TMEM131: variants seen among roughly 807,000 people sequenced by gnomAD.
TMEM131 encodes the protein 2610524E03Rik.
TMEM131 carries 66 observed loss-of-function variants against 211.6 expected under a neutral mutation model. The observed-to-expected ratio is 0.31, with a 90% CI of 0.26 to 0.38. The LOEUF (loss-of-function observed/expected upper bound fraction) is 0.38, where lower values mean the gene tolerates loss of function less well. Among genes scored for constraint, TMEM131 ranks in the 10% least tolerant of loss-of-function variants. TMEM131 has a pLI of 1.00. For missense variants in TMEM131, 2,036 were observed against 2,299.3 expected (o/e 0.89, Z 2.34); for synonymous variants, 844 against 841.3 (o/e 1.00, Z -0.06).
chr2:97,771,648 A>G (rs1210941319), intron 33 of TMEM131, among the ~76,000 whole-genome samples: 1 of 152,226 alleles, frequency 6.6e-6, no homozygotes, highest in Non-Finnish European at 1.5e-5. Context: ...TAAAATTATC[A>G]GGTAGATGCT....
chr2:97,974,980 T>C (rs746213061), intron 1 of TMEM131, among the ~76,000 whole-genome samples: 18 of 152,096 alleles, frequency 1.2e-4, no homozygotes, highest in African/African-American at 3.1e-4. Flanking sequence ...CTGACTGACA[T>C]TGACAGAGTA....
At chr2:97,855,706 A>T (rs946742280) in intron 5 of TMEM131, among the ~76,000 whole-genome samples, 3 of 152,110 alleles carry the variant, frequency 2.0e-5, no homozygotes, top group Non-Finnish European at 2.9e-5. Context: ...TCTCAAAAAA[A>T]AAAAAAAAGG....
intron 1 of TMEM131, among the ~76,000 whole-genome samples, chr2:97,960,862 A>C (rs188760234): frequency 1.3e-5 from 2 of 152,098 alleles, no homozygotes; most frequent in East Asian, 3.9e-4. Context: ...CAGAAAAGCA[A>C]GGATGGTTTA....
chr2:97,887,524 C>T (rs539337861), intron 4 of TMEM131, among the ~76,000 whole-genome samples: 102 of 151,992 alleles, frequency 6.7e-4, no homozygotes, highest in Non-Finnish European at 1.1e-3. Context: ...TGCTTAGAGG[C>T]CCGGGGGTCT....
Position 97,757,298 on chromosome 2 carries a change from G to A in TMEM131, c.5453C>T (p.Pro1818Leu), listed in dbSNP as rs913223020. Residue 1818 changes from proline (P) to leucine (L), a missense_variant, in exon 41 of 41, where the codon CCC becomes CTC. Transcript: ENST00000186436. ...IWSSNLSSAL[P>L]FTTPANTLAS... The stretch of plus-strand genomic sequence containing the variant: ...CAGCGTGTTTGCTGGAGTGGTGAAG[G>A]GAAGGGCGCTGCTAAGGTTGCTGGA... The A allele has an allele frequency of 5.5e-5, 88 of 1,613,822 alleles. No individual in the cohort carries two copies. The highest frequency in any genetic ancestry group is 7.1e-5 in the Non-Finnish European group (84 of 1,179,912).
intron 1 of TMEM131, among the ~76,000 whole-genome samples, chr2:97,966,292 T>C (rs1290258177): frequency 2.0e-5 from 3 of 151,932 alleles, no homozygotes; most frequent in African/African-American, 4.8e-5. Flanking sequence ...TCTTTCCGGG[T>C]GGTTAACAGA....
chr2:97,950,577 T>C (rs1156265561), intron 1 of TMEM131, among the ~76,000 whole-genome samples: 1 of 152,202 alleles, frequency 6.6e-6, no homozygotes, highest in African/African-American at 2.4e-5. Flanking sequence ...TTACCGGATA[T>C]TCCCCTTCAG....
intron 1 of TMEM131, among the ~76,000 whole-genome samples, chr2:97,962,423 G>A (rs1678860562): frequency 6.6e-6 from 1 of 152,140 alleles, no homozygotes; most frequent in Non-Finnish European, 1.5e-5. Flanking sequence ...AGAATGGTGT[G>A]AACCCGGGAG....
chr2:97,911,314 G>A (rs1362872413), intron 2 of TMEM131, among the ~76,000 whole-genome samples: 2 of 152,114 alleles, frequency 1.3e-5, no homozygotes, highest in African/African-American at 4.8e-5. Flanking sequence ...GGATTACCAA[G>A]GGGCACAAGT....
Position 97,756,573 on chromosome 2 carries a change from C to A in TMEM131, c.*526G>T, listed in dbSNP as rs1232851471. ...TTAAGTTGACTTACATTTCTGTAATCTGCTTTTAAACCAAGACAGCCTTAC... is the reference window on the plus strand; with the variant it reads ...TTAAGTTGACTTACATTTCTGTAATATGCTTTTAAACCAAGACAGCCTTAC... On this transcript the variant is annotated 3_prime_UTR_variant, in exon 41 of 41. Transcript: ENST00000186436. 1 of 152,286 alleles carries A rather than the reference C, an allele frequency of 6.6e-6. No homozygotes were observed. Among genetic ancestry groups the A allele is most frequent in the Non-Finnish European group, 1.5e-5 (1 of 68,108 alleles). The allele number at this position is 152,286 out of a possible 1,614,324, so 9.4% of individuals were successfully genotyped here.
chr2:97,829,486 A>G (rs1485154334), intron 11 of TMEM131, among the ~76,000 whole-genome samples: 2 of 152,200 alleles, frequency 1.3e-5, no homozygotes, highest in Non-Finnish European at 2.9e-5. Context: ...AAAGGATTGT[A>G]AATGCAACAA....
chr2:97,831,661 C>T (rs1255108251), intron 11 of TMEM131, among the ~76,000 whole-genome samples: 2 of 128,974 alleles, frequency 1.6e-5, no homozygotes, highest in Non-Finnish European at 1.6e-5. Context: ...GTTTCACATA[C>T]CTCTTTTTTT....
chr2:97,864,743 C>A, intron 4 of TMEM131, among the ~76,000 whole-genome samples: 1 of 152,142 alleles, frequency 6.6e-6, no homozygotes, highest in Non-Finnish European at 1.5e-5. Context: ...CTTAAAGTGG[C>A]AGGCAAAGGA....
chr2:97,826,614 G>C (rs1284290562), intron 11 of TMEM131, among the ~76,000 whole-genome samples: 2 of 132,778 alleles, frequency 1.5e-5, no homozygotes, highest in Admixed American at 7.1e-5. Flanking sequence ...GAGGAAGTCA[G>C]AGAGAAAGAG....
intron 1 of TMEM131, among the ~76,000 whole-genome samples, chr2:97,949,809 G>C (rs1470693918): frequency 1.0e-5 from 1 of 96,788 alleles, no homozygotes; most frequent in Non-Finnish European, 1.9e-5. Flanking sequence ...GACAGAGTGA[G>C]ACTGTCTCAA....
intron 2 of TMEM131, among the ~76,000 whole-genome samples, chr2:97,910,288 A>T (rs1336573116): frequency 1.3e-5 from 2 of 152,194 alleles, no homozygotes; most frequent in African/African-American, 4.8e-5. Flanking sequence ...TGTGAATATT[A>T]AAATGGTGTA....
chr2:97,913,502 A>C (rs1294253294), intron 2 of TMEM131, among the ~76,000 whole-genome samples: 1 of 152,210 alleles, frequency 6.6e-6, no homozygotes, highest in Non-Finnish European at 1.5e-5. Context: ...TTAGAATTCA[A>C]ATCCTTCGAT....
At chr2:97,932,045 T>TG in intron 1 of TMEM131, among the ~76,000 whole-genome samples, 1 of 151,712 alleles carries the variant, frequency 6.6e-6, no homozygotes, top group East Asian at 1.9e-4. Context: ...CTGGTTAGGA[T>TG]AATGACATTG....
At chr2:97,934,057 C>T (rs531803487) in intron 1 of TMEM131, among the ~76,000 whole-genome samples, 4 of 151,884 alleles carry the variant, frequency 2.6e-5, no homozygotes, top group Admixed American at 1.3e-4. Context: ...AAGACGAACA[C>T]ACTGGAAAGG....
Sources: gnomAD v4.1 joint callset for allele counts (sites outside exome capture counted in the v4.1 genomes callset) on GRCh38, gnomAD v4.1.1 for gene constraint, MANE v1.5 for transcripts, NCBI Gene and HGNC (gene_info 2026-07-23, HGNC 2026-07-21) for gene names.